ATP6V0A4: variants seen among roughly 807,000 people sequenced by gnomAD.
ATP6V0A4 encodes V-type proton ATPase 116 kDa subunit a 4.
A neutral mutation model predicts 107.3 loss-of-function variants in ATP6V0A4; 86 were observed. The observed-to-expected ratio is 0.80, with a 90% CI of 0.67 to 0.96. ATP6V0A4 has a LOEUF of 0.96. Ranked by LOEUF, ATP6V0A4 falls within the 40% of genes least tolerant of loss-of-function variation. ATP6V0A4 has a pLI of 0.00. For missense variants in ATP6V0A4, 908 were observed against 1,045.6 expected, an observed-to-expected ratio of 0.87 and a Z score of 1.81; for synonymous variants, 353 against 381.4, an observed-to-expected ratio of 0.93 and a Z score of 0.87.
chr7:138,718,471 TGGCGGGGAG>T (rs1408315253), intron 19 of ATP6V0A4, among the ~76,000 whole-genome samples: 1 of 13,174 alleles, frequency 7.6e-5, no homozygotes, highest in African/African-American at 3.7e-4. Flanking sequence ...ATGGGGGGGA[TGGCGGGGAG>T]GGTGCAGTCA....
chr7:138,761,778 C>T (rs1274707825), intron 7 of ATP6V0A4, among the ~76,000 whole-genome samples: 3 of 152,150 alleles, frequency 2.0e-5, no homozygotes, highest in Non-Finnish European at 4.4e-5. Flanking sequence ...CTCCAGGGTT[C>T]AAGCGATTCT....
At chr7:138,746,110 G>C (rs1805941967) in intron 13 of ATP6V0A4, among the ~76,000 whole-genome samples, 1 of 110,448 alleles carries the variant, frequency 9.1e-6, no homozygotes, top group Non-Finnish European at 2.0e-5. Context: ...TGAAGTGCAA[G>C]CAAGGCCTCA....
chr7:138,768,685 C>T, intron 5 of ATP6V0A4, 95 bp downstream of exon 5: 1 of 1,451,814 alleles, frequency 6.9e-7, no homozygotes, highest in Non-Finnish European at 9.4e-7. Flanking sequence ...TTCAAGCAAA[C>T]AGGTACGGAA....
At chr7:138,760,209 T>G (rs977106304) in intron 7 of ATP6V0A4, among the ~76,000 whole-genome samples, 1 of 152,050 alleles carries the variant, frequency 6.6e-6, no homozygotes, top group African/African-American at 2.4e-5. Flanking sequence ...TTTGGGAGGC[T>G]GAGGCGGGCG....
chr7:138,711,017 G>A (rs1024922738), intron 20 of ATP6V0A4, among the ~76,000 whole-genome samples: 1 of 152,078 alleles, frequency 6.6e-6, no homozygotes, highest in Non-Finnish European at 1.5e-5. Flanking sequence ...CTAAAGTTCC[G>A]AAAAGTTCAG....
At chr7:138,707,338 T>TAATATATATAATA (rs1562972851) in intron 21 of ATP6V0A4, among the ~76,000 whole-genome samples, 3 of 109,036 alleles carry the variant, frequency 2.8e-5, no homozygotes, top group African/African-American at 1.1e-4. Flanking sequence ...ATATTTATAA[T>TAATATATATAATA]ATATATATTA....
At chr7:138,723,523 C>CTTTTTTTTTTTTTTTT (rs10528520) in intron 18 of ATP6V0A4, among the ~76,000 whole-genome samples, 5 of 128,270 alleles carry the variant, frequency 3.9e-5, no homozygotes, top group East Asian at 2.3e-4. Context: ...TCTTTCTTTT[C>CTTTTTTTTTTTTTTTT]TTTTTTTTTT....
Position 138,733,054 on chromosome 7 carries a change from G to A in ATP6V0A4, c.1731C>T (p.Ile577=), listed in dbSNP as rs1467704302. Residue 577 remains isoleucine, a synonymous_variant, in exon 17 of 22, where the codon ATC becomes ATT. Coordinates refer to ENST00000310018, the MANE Select transcript of ATP6V0A4 (RefSeq NM_020632.3). ...RRTLNIILQF[I]PEMIFILCLF... ...GACACAGGATAAAAATCATCTCAGG[G>A]ATAAATTGCAGAATGATGTTGAGAG... 2.5e-6 allele frequency: 4 copies of A among 1,614,000 alleles called. No homozygotes were observed. The highest frequency in any genetic ancestry group is 3.4e-6 in the Non-Finnish European group (4 of 1,179,958).
chr7:138,753,983 A>G (rs1443754660), intron 10 of ATP6V0A4, among the ~76,000 whole-genome samples: 1 of 152,216 alleles, frequency 6.6e-6, no homozygotes, highest in East Asian at 1.9e-4. Flanking sequence ...CCCTCGACAC[A>G]GCAGCAACCC....
intron 6 of ATP6V0A4, among the ~76,000 whole-genome samples, chr7:138,762,664 T>G (rs925046819): frequency 1.3e-5 from 2 of 152,304 alleles, no homozygotes; most frequent in Non-Finnish European, 1.5e-5. Flanking sequence ...CTGACTTCTC[T>G]TTCTGCCTGA....
At chr7:138,784,228 ATATATACG>A (rs1174631411) in intron 2 of ATP6V0A4, among the ~76,000 whole-genome samples, 903 of 49,404 alleles carry the variant, frequency 0.018, 26 homozygotes, top group African/African-American at 0.094. Context: ...ATATATATAT[ATATATACG>A]TATATATATA....
intron 21 of ATP6V0A4, among the ~76,000 whole-genome samples, chr7:138,708,684 G>A (rs1159204796): frequency 6.6e-6 from 1 of 152,216 alleles, no homozygotes; most frequent in Non-Finnish European, 1.5e-5. Flanking sequence ...GGCTCCCGGT[G>A]AGCGTCTCCC....
intron 2 of ATP6V0A4, among the ~76,000 whole-genome samples, chr7:138,775,538 G>A (rs774503240): frequency 3.0e-4 from 45 of 151,602 alleles, no homozygotes; most frequent in African/African-American, 3.6e-4. Context: ...GTGTGGTGGC[G>A]CAAACACAGC....
At chr7:138,793,350 A>G (rs1808513413) in intron 1 of ATP6V0A4, among the ~76,000 whole-genome samples, 1 of 152,180 alleles carries the variant, frequency 6.6e-6, no homozygotes, top group Non-Finnish European at 1.5e-5. Flanking sequence ...AGAAGGTTCA[A>G]TTTGCCAGGA....
intron 11 of ATP6V0A4, 29 bp from the exon 12 acceptor site, chr7:138,749,346 T>C (rs764491271): frequency 6.2e-7 from 1 of 1,603,298 alleles, no homozygotes; most frequent in Non-Finnish European, 8.5e-7. Flanking sequence ...GCGACAAAGA[T>C]GTAAGGAGAA....
At chr7:138,716,887 G>A (rs972219929) in intron 19 of ATP6V0A4, among the ~76,000 whole-genome samples, 12 of 152,176 alleles carry the variant, frequency 7.9e-5, no homozygotes, top group Non-Finnish European at 1.6e-4. Context: ...GACTGGTGCT[G>A]TACATGCCCT....
At chr7:138,741,184 GA>G (rs1177599542) in intron 14 of ATP6V0A4, among the ~76,000 whole-genome samples, 1 of 152,080 alleles carries the variant, frequency 6.6e-6, no homozygotes, top group Non-Finnish European at 1.5e-5. Flanking sequence ...AATGAAATGT[GA>G]AGAGCAGACA....
intron 2 of ATP6V0A4, among the ~76,000 whole-genome samples, chr7:138,771,728 T>G (rs548099857): frequency 5.9e-5 from 9 of 152,080 alleles, no homozygotes; most frequent in Non-Finnish European, 1.3e-4. Flanking sequence ...CAAGAGATCC[T>G]CCTGCCTCAG....
At chr7:138,721,471 G>A (rs1054594938) in intron 19 of ATP6V0A4, among the ~76,000 whole-genome samples, 3 of 152,072 alleles carry the variant, frequency 2.0e-5, no homozygotes, top group Admixed American at 6.6e-5. Flanking sequence ...CCTGGGAGGC[G>A]GAGGTTGCAG....
Sources: allele counts gnomAD v4.1 joint callset (sites outside exome capture counted in the v4.1 genomes callset), GRCh38; gene constraint gnomAD v4.1.1; transcripts MANE v1.5; gene names NCBI Gene and HGNC (gene_info 2026-07-23, HGNC 2026-07-21).